Variants in PACSIN2 observed in about 807,000 individuals in gnomAD.
PACSIN2 encodes protein kinase C and casein kinase substrate in neurons protein 2.
A neutral mutation model predicts 63.8 loss-of-function variants in PACSIN2; 25 were observed. The ratio of observed to expected loss-of-function variants is 0.39; its 90% CI spans 0.29 to 0.55. The LOEUF (loss-of-function observed/expected upper bound fraction) is 0.55, where lower values mean the gene tolerates loss of function less well. Among genes scored for constraint, PACSIN2 ranks in the 20% least tolerant of loss-of-function variants. PACSIN2 has a pLI of 0.62. For missense variants in PACSIN2, 518 were observed against 646.9 expected, an observed-to-expected ratio of 0.80 and a Z score of 2.16; for synonymous variants, 255 against 256.2, an observed-to-expected ratio of 1.00 and a Z score of 0.05.
At chr22:42,999,289 C>G (rs1923611119) in intron 1 of PACSIN2, among the ~76,000 whole-genome samples, 1 of 152,204 alleles carries the variant, frequency 6.6e-6, no homozygotes, top group Admixed American at 6.5e-5. Context: ...TCCCAAGTAC[C>G]TCGAAGGGGT....
intron 2 of PACSIN2, among the ~76,000 whole-genome samples, chr22:42,907,538 T>A (rs367627262): frequency 6.6e-6 from 1 of 152,378 alleles, no homozygotes; most frequent in South Asian, 2.1e-4. Flanking sequence ...AGCCCATGGA[T>A]GTGGGCACAG....
At chr22:42,931,760 T>A (rs1373289425) in intron 1 of PACSIN2, among the ~76,000 whole-genome samples, 1 of 152,200 alleles carries the variant, frequency 6.6e-6, no homozygotes, top group Non-Finnish European at 1.5e-5. Context: ...CATGCAGAGA[T>A]CACGTTGTTA....
Position 42,997,149 on chromosome 22 carries a change from G to A in PACSIN2, c.-78+17872C>T, listed in dbSNP as rs540621852. Among the ~76,000 whole-genome samples the A allele has an allele frequency of 1.3e-4, 20 of 152,310 alleles. No homozygotes were observed. The South Asian group carries it at 3.3e-3, about 25-fold the overall frequency. On this transcript the variant is annotated intron_variant, in intron 1 of 10. Coordinates refer to ENST00000263246, the MANE Select transcript of PACSIN2 (RefSeq NM_001184970.3). ...CACCAGGCTGGGGGTGTTTAATCAC[G>A]CTCTGCCTCCTCTGACCAGAATGTA...
intron 1 of PACSIN2, among the ~76,000 whole-genome samples, chr22:42,919,795 AAAG>A (rs1350651949): frequency 0.013 from 1,384 of 107,652 alleles, 46 homozygotes; most frequent in African/African-American, 0.041. Flanking sequence ...AAAAAAAAAA[AAAG>A]AAAGAAAGAA....
rs1321911454 is a variant in PACSIN2, at chr22:42,871,799, G to A, written c.1349-330C>T. On this transcript the variant is annotated intron_variant, in intron 10 of 10. Coordinates refer to ENST00000263246, the MANE Select transcript of PACSIN2 (RefSeq NM_001184970.3). The surrounding 1 kb of genome is among the most constrained non-coding windows in gnomAD (Gnocchi z 5.4). The stretch of plus-strand genomic sequence containing the variant: ...CCACCCTGGCCAGGTGGCAGGAATC[G>A]TCCCTCGGTTGTGCCCCTCCCTCAC... 1.1e-4 allele frequency among the ~76,000 whole-genome samples: 17 copies of A among 151,896 alleles called. No individual in the cohort carries two copies. The highest frequency in any genetic ancestry group is 6.2e-4 in the South Asian group (3 of 4,806).
chr22:42,931,093 G>A (rs543477074), intron 1 of PACSIN2, among the ~76,000 whole-genome samples: 4 of 152,316 alleles, frequency 2.6e-5, no homozygotes, highest in African/African-American at 4.8e-5. Context: ...TATTCCAGAC[G>A]CCTGCCTGCT....
intron 1 of PACSIN2, among the ~76,000 whole-genome samples, chr22:42,998,816 C>T (rs1386209447): frequency 6.6e-6 from 1 of 152,120 alleles, no homozygotes; most frequent in Non-Finnish European, 1.5e-5. Context: ...ATATAAAACC[C>T]CAAACCCCAG....
At chr22:42,950,045 C>A (rs1340788158) in intron 1 of PACSIN2, among the ~76,000 whole-genome samples, 1 of 152,178 alleles carries the variant, frequency 6.6e-6, no homozygotes, top group Non-Finnish European at 1.5e-5. Context: ...AAGGGTTCCA[C>A]ATCTGTGGAT....
At chr22:42,924,100 C>T (rs1311279943) in intron 1 of PACSIN2, among the ~76,000 whole-genome samples, 1 of 151,772 alleles carries the variant, frequency 6.6e-6, no homozygotes, top group African/African-American at 2.4e-5. Context: ...TGAATGGCCC[C>T]ATACTAGAAG....
chr22:42,997,763 T>C (rs1312788901), intron 1 of PACSIN2, among the ~76,000 whole-genome samples: 2 of 151,040 alleles, frequency 1.3e-5, no homozygotes. Context: ...CAGCTATTAC[T>C]TCACTCGGGA....
At chr22:42,943,757 C>G (rs895961931) in intron 1 of PACSIN2, among the ~76,000 whole-genome samples, 3 of 151,898 alleles carry the variant, frequency 2.0e-5, no homozygotes, top group African/African-American at 7.3e-5. Flanking sequence ...TTAAGCAACT[C>G]AAAGAAAAGC....
chr22:42,991,540 G>A (rs1444601168), intron 1 of PACSIN2, among the ~76,000 whole-genome samples: 2 of 152,228 alleles, frequency 1.3e-5, no homozygotes, highest in Admixed American at 6.5e-5. Flanking sequence ...AGAAGAAGGA[G>A]AGAGACTGTG....
At chr22:42,899,868 T>G (rs1057253681) in intron 2 of PACSIN2, among the ~76,000 whole-genome samples, 1 of 152,152 alleles carries the variant, frequency 6.6e-6, no homozygotes, top group Non-Finnish European at 1.5e-5. Context: ...GCCATTTACA[T>G]CAATTAAGAA....
intron 2 of PACSIN2, among the ~76,000 whole-genome samples, chr22:42,902,267 G>T (rs1189137080): frequency 6.6e-6 from 1 of 152,230 alleles, no homozygotes; most frequent in Non-Finnish European, 1.5e-5. Context: ...AGGCAAGGCC[G>T]CTTTCTCACA....
At chr22:42,989,966 T>TA (rs887873939) in intron 1 of PACSIN2, among the ~76,000 whole-genome samples, 1 of 120,496 alleles carries the variant, frequency 8.3e-6, no homozygotes, top group African/African-American at 3.3e-5. Flanking sequence ...TAAACAGGTT[T>TA]AAAAAAAGAA....
chr22:42,930,763 T>C (rs1271790423), intron 1 of PACSIN2, among the ~76,000 whole-genome samples: 1 of 152,182 alleles, frequency 6.6e-6, no homozygotes, highest in Admixed American at 6.5e-5. Flanking sequence ...AGTAAATTTA[T>C]AGATGAAGAA....
rs868264647 is a variant in PACSIN2, at chr22:42,989,873, T to A, written c.-78+25148A>T. 3.9e-3 allele frequency among the ~76,000 whole-genome samples: 515 copies of A among 132,776 alleles called. 8 individuals carry two copies. Among genetic ancestry groups the A allele is most frequent in the African/African-American group, 0.013 (485 of 35,946 alleles). 87.1% of individuals were successfully genotyped at this position (132,776 alleles called of 152,430 possible). A position where few individuals can be genotyped will look rare whatever the true frequency, so the allele number is the denominator to read the frequency against. On this transcript the variant is annotated intron_variant, in intron 1 of 10. Transcript: ENST00000263246. Reference sequence around the variant, plus strand: ...TCTTGGAGGGGGAAAAAAAAATATATATATATATATATACACACACACACA... The same window carrying A: ...TCTTGGAGGGGGAAAAAAAAATATAAATATATATATATACACACACACACA...
intron 2 of PACSIN2, among the ~76,000 whole-genome samples, chr22:42,904,362 G>A (rs1015218438): frequency 1.3e-5 from 2 of 152,200 alleles, no homozygotes; most frequent in African/African-American, 4.8e-5. Flanking sequence ...GCCTTCAGCC[G>A]AGCACCCAGC....
At position 42,913,937 on chromosome 22, in the gene PACSIN2, T is replaced by C. The variant is rs563561410; in HGVS notation, c.-77-1780A>G. Among the ~76,000 whole-genome samples, 33 of 152,364 alleles carry C rather than the reference T, an allele frequency of 2.2e-4. 2 individuals are homozygous for C. In the South Asian group the frequency reaches 6.4e-3, roughly 30 times the overall value. ...AATTAAAAGGGCTTAATCTGGTGGA[T>C]TGCAGAGCTCCTAAAGGTAAACACA... On this transcript the variant is annotated intron_variant, in intron 1 of 10. Coordinates refer to ENST00000263246, the MANE Select transcript of PACSIN2 (RefSeq NM_001184970.3).
Sources: allele counts gnomAD v4.1 joint callset (sites outside exome capture counted in the v4.1 genomes callset), GRCh38; gene constraint gnomAD v4.1.1; non-coding constraint Gnocchi (gnomAD v3.1); transcripts MANE v1.5; gene names NCBI Gene and HGNC (gene_info 2026-07-23, HGNC 2026-07-21).